The following ABCC8 variants were observed in gnomAD, a reference collection of about 807,000 sequenced individuals.
ABCC8 encodes the protein ATP binding cassette subfamily C member 8, also known as ATP-binding cassette sub-family C member 8.
In ABCC8, 137 loss-of-function variants were observed where a neutral mutation model predicts 188.0. The observed-to-expected ratio is 0.73, with a 90% confidence interval of 0.63 to 0.84. The LOEUF is 0.84. Ranked by LOEUF, ABCC8 falls within the 40% of genes least tolerant of loss-of-function variation. ABCC8 has a pLI of 0.00. For missense variants in ABCC8, 1,750 were observed against 2,072.7 expected, an observed-to-expected ratio of 0.84 and a Z score of 3.02; for synonymous variants, 797 against 846.5, an observed-to-expected ratio of 0.94 and a Z score of 1.01.
intron 10 of ABCC8, 172 bp from the exon 11 acceptor site, chr11:17,432,416 AT>A: frequency 7.2e-7 from 1 of 1,394,954 alleles, no homozygotes; most frequent in Non-Finnish European, 9.7e-7. Flanking sequence ...TCCTCACCCC[AT>A]TTCCCTCAGG....
intron 13 of ABCC8, 55 bp from the exon 14 acceptor site, chr11:17,428,460 G>A (rs1229434010): frequency 6.2e-7 from 1 of 1,604,076 alleles, no homozygotes; most frequent in African/African-American, 1.3e-5. Context: ...GTAGGGAAGG[G>A]AGCCCCTCTT....
Position 17,439,620 on chromosome 11 carries a change from G to A in ABCC8, c.1630+3100C>T, listed in dbSNP as rs534718284. Among the ~76,000 whole-genome samples the A allele has an allele frequency of 3.3e-3, 497 of 151,900 alleles. 1 individual carries two copies. Among genetic ancestry groups the A allele is most frequent in the Non-Finnish European group, 5.1e-3 (347 of 67,924 alleles). On this transcript the variant is annotated intron_variant, in intron 10 of 38. Transcript: ENST00000389817. ...TCTCCCCCTCCCACTGCTGACTAAC[G>A]GAGGGAAAAAAAAACACATCCTCGG...
Position 17,412,716 on chromosome 11 carries a change from G to A in ABCC8, c.2506C>T (p.Arg836Ter), listed in dbSNP as rs72559722. 2.0e-5 allele frequency: 33 copies of A among 1,611,610 alleles called. No homozygotes were observed. The Admixed American group carries it at 2.2e-4, about 11-fold the overall frequency. Residue 836 changes from arginine to a stop codon, truncating the protein, a stop_gained, in exon 21 of 39, where the codon CGA becomes TGA. Coordinates refer to ENST00000389817, the MANE Select transcript of ABCC8 (RefSeq NM_000352.6). LOFTEE classifies it high-confidence loss of function. ...TAGAGGGCTCGGGCCACACTGATTC[G>A]CTGGCGTTGACCACCAGACAGGTTG... ...GINLSGGQRQRISVARALYQH... is the reference protein window; with the variant it reads ...GINLSGGQRQ
chr11:17,396,757 G>C, intron 33 of ABCC8, 159 bp downstream of exon 33: 5 of 886,644 alleles, frequency 5.6e-6, no homozygotes, highest in Non-Finnish European at 8.6e-6. Context: ...AGGAAAGATG[G>C]GCCCCCACAG....
At chr11:17,435,891 C>T (rs1956072818) in intron 10 of ABCC8, 19 of 1,332,560 alleles carry the variant, frequency 1.4e-5, no homozygotes, top group Non-Finnish European at 1.8e-5. Flanking sequence ...CCAAATAAGA[C>T]TCAAAGTTCC....
intron 7 of ABCC8, among the ~76,000 whole-genome samples, chr11:17,450,658 A>G (rs1956778447): frequency 7.1e-6 from 1 of 141,134 alleles, no homozygotes; most frequent in South Asian, 2.2e-4. Context: ...TGGCCTCCCA[A>G]AGTGCTGGGA....
intron 2 of ABCC8, among the ~76,000 whole-genome samples, chr11:17,473,451 AG>A (rs1440292274): frequency 3.9e-5 from 6 of 152,116 alleles, no homozygotes; most frequent in Admixed American, 3.9e-4. Flanking sequence ...GGGGAACGGG[AG>A]GGAGGATGAG....
At chr11:17,448,781 T>C in intron 7 of ABCC8, 110 bp from the exon 8 acceptor site, 2 of 1,582,528 alleles carry the variant, frequency 1.3e-6, no homozygotes, top group Non-Finnish European at 1.7e-6. Flanking sequence ...GTCCCCATGG[T>C]GCCCTAGAGC....
intron 7 of ABCC8, among the ~76,000 whole-genome samples, chr11:17,450,302 C>CTT (rs1401087017): frequency 3.0e-5 from 4 of 132,748 alleles, no homozygotes; most frequent in East Asian, 2.1e-4. Flanking sequence ...TTCTTTCTTT[C>CTT]TTTCTTTCTT....
chr11:17,471,758 G>A (rs924014858), intron 2 of ABCC8, among the ~76,000 whole-genome samples: 5 of 152,190 alleles, frequency 3.3e-5, no homozygotes, highest in Non-Finnish European at 7.3e-5. Context: ...CACACACACA[G>A]GATGGTATGG....
At chr11:17,475,498 A>G (rs1564999030) in intron 1 of ABCC8, among the ~76,000 whole-genome samples, 1 of 152,194 alleles carries the variant, frequency 6.6e-6, no homozygotes, top group Admixed American at 6.5e-5. Flanking sequence ...TGCTGAGATT[A>G]CAGATGTAAG....
chr11:17,432,327 C>A, intron 10 of ABCC8, 83 bp from the exon 11 acceptor site: 1 of 1,550,462 alleles, frequency 6.4e-7, no homozygotes, highest in South Asian at 1.2e-5. Flanking sequence ...TTGGAGGCAG[C>A]GCAGTCCAGT....
chr11:17,423,071 G>A (rs1199407391), intron 16 of ABCC8, among the ~76,000 whole-genome samples: 5 of 151,920 alleles, frequency 3.3e-5, no homozygotes, highest in Non-Finnish European at 5.9e-5. Flanking sequence ...TCTTAAAAGC[G>A]GGGCCGGCCA....
intron 6 of ABCC8, among the ~76,000 whole-genome samples, chr11:17,456,056 A>G (rs960314382): frequency 1.7e-4 from 25 of 150,634 alleles, no homozygotes; most frequent in Non-Finnish European, 3.1e-4. Context: ...GGAAACGGGG[A>G]GGGGATATGA....
chr11:17,395,576 G>C (rs1399692296), intron 35 of ABCC8, 34 bp downstream of exon 35: 1 of 1,543,850 alleles, frequency 6.5e-7, no homozygotes, highest in Non-Finnish European at 8.7e-7. Flanking sequence ...AGCCGGCCTG[G>C]GGCTGGGTGG....
chr11:17,443,525 G>A (rs1956407582), intron 8 of ABCC8: 2 of 650,130 alleles, frequency 3.1e-6, no homozygotes, highest in Admixed American at 5.1e-5. Context: ...GCAAGCAGAG[G>A]GTTGCTGGGC....
chr11:17,465,577 C>G (rs1256611623), intron 3 of ABCC8: 1 of 152,188 alleles, frequency 6.6e-6, no homozygotes, highest in African/African-American at 2.4e-5. Context: ...AAGCTGAATG[C>G]CTGATGAGAG....
rs1468544724 is a variant in ABCC8 at position 17,476,670 on chromosome 11, T to C, written c.107A>G (p.His36Arg). Residue 36 changes from histidine to arginine, a missense_variant, in exon 1 of 39, where the codon CAC becomes CGC. Physicochemically the swap from His to Arg is conservative, Grantham distance 29. Coordinates refer to ENST00000389817, the MANE Select transcript of ABCC8 (RefSeq NM_000352.6). The part of the protein sequence containing the change: ...CFVDALNVVP[H>R]VFLLFITFPI... ...GAAGGTGATGAAGAGTAGGAAGACG[T>C]GCGGCACCACGTTGAGCGCGTCCAC... 6 of 1,612,316 alleles carry C rather than the reference T, an allele frequency of 3.7e-6. No homozygotes were observed. The highest frequency in any genetic ancestry group is 5.1e-6 in the Non-Finnish European group (6 of 1,179,402).
At position 17,413,546 on chromosome 11, in the gene ABCC8, G is replaced by A. The variant is rs17846740; in HGVS notation, c.2391-68C>T. ...CAGAGTTGGCCCGAGCACTTGCAGA[G>A]GGTCATTAGTCTCTGGGTAGCTATG... is the stretch of plus-strand genomic sequence containing the variant. On this transcript the variant is annotated intron_variant, in intron 19 of 38. Coordinates refer to ENST00000389817, the MANE Select transcript of ABCC8 (RefSeq NM_000352.6). The A allele has an allele frequency of 9.8e-4, 1,575 of 1,612,128 alleles. 12 individuals carry two copies. The East Asian group carries it at 0.022, about 23-fold the overall frequency.
Sources: gnomAD v4.1 joint callset for allele counts (sites outside exome capture counted in the v4.1 genomes callset) on GRCh38, gnomAD v4.1.1 for gene constraint, MANE v1.5 for transcripts, NCBI Gene and HGNC (gene_info 2026-07-23, HGNC 2026-07-21) for gene names.